Variants in CD6 observed in about 807,000 individuals in gnomAD.
CD6 encodes the protein CD6 molecule.
In CD6, 53 loss-of-function variants were observed where a neutral mutation model predicts 75.3. The ratio of observed to expected loss-of-function variants is 0.70; its 90% CI spans 0.56 to 0.88. The LOEUF (loss-of-function observed/expected upper bound fraction) is 0.88. Among genes scored for constraint, CD6 ranks in the 40% least tolerant of loss-of-function variants. The probability of loss-of-function intolerance (pLI) is 0.00; values close to 1 mark genes in which losing one functional copy is unlikely to be tolerated. For synonymous variants in CD6, 359 were observed against 381.5 expected (o/e 0.94, Z 0.69); for missense variants, 770 against 897.1 (o/e 0.86, Z 1.81).
chr11:60,994,345 G>T (rs1858198049), intron 1 of CD6, among the ~76,000 whole-genome samples: 1 of 150,132 alleles, frequency 6.7e-6, no homozygotes, highest in Non-Finnish European at 1.5e-5. Flanking sequence ...GGAGGCTGAG[G>T]CAGGAGAATT....
chr11:61,008,003 G>A, intron 3 of CD6, 93 bp downstream of exon 3: 1 of 850,224 alleles, frequency 1.2e-6, no homozygotes, highest in Non-Finnish European at 1.6e-6. Flanking sequence ...CGCAAGCCTC[G>A]CCCTCCAGAC....
Position 61,009,762 on chromosome 11 carries a change from C to T in CD6, c.972C>T (p.Gly324=), listed in dbSNP as rs1204186595. 6.2e-7 allele frequency: 1 copy of T among 1,613,656 alleles called. No homozygotes were observed. The highest frequency in any genetic ancestry group is 8.5e-7 in the Non-Finnish European group (1 of 1,179,912). The part of the protein sequence containing the change: ...RPKGLPHSLS[G]RMYYSCNGEE... ...AGGGGCTGCCCCACTCCTTGTCCGG[C>T]AGGATGTACTACTCATGCAATGGGG... Residue 324 remains glycine, a synonymous_variant, in exon 5 of 13, where the codon GGC becomes GGT. Coordinates refer to ENST00000313421, the MANE Select transcript of CD6 (RefSeq NM_006725.5).
In CD6 at chr11:61,018,286, C is replaced by T; in HGVS notation, c.1838-3C>T. ...GAGGGTGACTGGTTCTGGGGGTTTC[C>T]AGCAGGGCCCCCGGCTGATGACAGC... On this transcript the variant is annotated splice_polypyrimidine_tract_variant and splice_region_variant and intron_variant, in intron 11 of 12. Coordinates refer to ENST00000313421, the MANE Select transcript of CD6 (RefSeq NM_006725.5). 1 of 1,593,094 alleles carries T rather than the reference C, an allele frequency of 6.3e-7. No homozygotes were observed. Among genetic ancestry groups the T allele is most frequent in the African/African-American group, 1.3e-5 (1 of 74,538 alleles).
At chr11:60,990,334 C>T (rs894672125) in intron 1 of CD6, among the ~76,000 whole-genome samples, 70 of 152,302 alleles carry the variant, frequency 4.6e-4, no homozygotes, top group African/African-American at 1.6e-3. Flanking sequence ...AAGTGATTCT[C>T]CTGTCTCAGC....
chr11:60,973,722 T>A (rs1857271521), intron 1 of CD6, among the ~76,000 whole-genome samples: 1 of 152,164 alleles, frequency 6.6e-6, no homozygotes, highest in Non-Finnish European at 1.5e-5. Context: ...TATTTTCTTC[T>A]TGACTTTGCA....
chr11:60,987,641 T>C (rs1244234952), intron 1 of CD6, among the ~76,000 whole-genome samples: 1 of 152,098 alleles, frequency 6.6e-6, no homozygotes, highest in Admixed American at 6.6e-5. Flanking sequence ...TAATCTCTCC[T>C]CCTAGCCCAC....
At chr11:61,015,621 GC>G in intron 8 of CD6, 91 bp from the exon 9 acceptor site, 59 of 1,468,356 alleles carry the variant, frequency 4.0e-5, no homozygotes, top group Non-Finnish European at 5.4e-5. Context: ...CTGCTACTCT[GC>G]CTCTCACCTC....
chr11:61,019,185 C>A, intron 12 of CD6, 69 bp from the exon 13 acceptor site: 1 of 1,216,044 alleles, frequency 8.2e-7, no homozygotes, highest in East Asian at 2.5e-5. Flanking sequence ...CAGAACCACT[C>A]AGCTCCGTCC....
At chr11:61,012,625 T>C (rs1032231850) in intron 6 of CD6, among the ~76,000 whole-genome samples, 1 of 152,224 alleles carries the variant, frequency 6.6e-6, no homozygotes, top group East Asian at 1.9e-4. Context: ...ACTAGTCATC[T>C]AGCCCTGTGG....
intron 1 of CD6, 42 bp from the exon 2 acceptor site, chr11:61,006,532 C>T (rs1191727557): frequency 2.0e-6 from 3 of 1,526,432 alleles, no homozygotes. Context: ...GTCTCCAGGC[C>T]TGAGCTCACT....
Position 60,978,751 on chromosome 11 carries a change from G to A in CD6, c.49+6837G>A, listed in dbSNP as rs578057162. The stretch of plus-strand genomic sequence containing the variant: ...CCTGTCGTATAGAATCATGGACCCC[G>A]GAGTCAGGCAGACGCGGGTTCTGAA... On this transcript the variant is annotated intron_variant, in intron 1 of 12. Coordinates refer to ENST00000313421, the MANE Select transcript of CD6 (RefSeq NM_006725.5). Among the ~76,000 whole-genome samples the A allele has an allele frequency of 3.3e-4, 51 of 152,242 alleles. No homozygotes were observed. The South Asian group carries it at 9.7e-3, about 29-fold the overall frequency.
At chr11:60,976,728 C>T (rs149050025) in intron 1 of CD6, among the ~76,000 whole-genome samples, 2 of 152,230 alleles carry the variant, frequency 1.3e-5, no homozygotes, top group East Asian at 3.9e-4. Context: ...CTGATGGATG[C>T]GCTTGTGCCC....
chr11:61,009,541 C>A (rs1859042731), intron 4 of CD6, 31 bp from the exon 5 acceptor site: 2 of 1,550,274 alleles, frequency 1.3e-6, no homozygotes, highest in Non-Finnish European at 1.7e-6. Flanking sequence ...AGGATTCTGA[C>A]CTGACTCTGT....
chr11:61,020,309 A>G lies in CD6; in HGVS notation c.*991A>G, dbSNP rs1859612009. On this transcript the variant is annotated 3_prime_UTR_variant, in exon 13 of 13. Coordinates refer to ENST00000313421, the MANE Select transcript of CD6 (RefSeq NM_006725.5). ...CCGTGCAGCCCCCAGAGAGAGGCCC[A>G]TGGGCTCAGACCAGGCTTTGTTGTC... is the stretch of plus-strand genomic sequence containing the variant. The G allele has an allele frequency of 2.5e-6, 1 of 398,928 alleles. No homozygotes were observed. The highest frequency in any genetic ancestry group is 2.1e-5 in the African/African-American group (1 of 48,616). 24.7% of individuals were successfully genotyped at this position (398,928 alleles called of 1,614,324 possible).
intron 8 of CD6, among the ~76,000 whole-genome samples, chr11:61,015,035 G>A (rs1345325000): frequency 6.6e-6 from 1 of 152,206 alleles, no homozygotes; most frequent in Non-Finnish European, 1.5e-5. Context: ...CAGACTGCCG[G>A]CTCTGGGCCA....
chr11:61,017,443 G>A, intron 9 of CD6, 36 bp from the exon 10 acceptor site: 3 of 1,503,884 alleles, frequency 2.0e-6, no homozygotes, highest in Admixed American at 2.0e-5. Flanking sequence ...ATGAGGTTGA[G>A]CCTTCACCCC....
chr11:60,986,238 C>G (rs1320054000), intron 1 of CD6, among the ~76,000 whole-genome samples: 1 of 152,232 alleles, frequency 6.6e-6, no homozygotes, highest in Non-Finnish European at 1.5e-5. Context: ...TCAGCCAGCA[C>G]CTTCACACAA....
rs1168831711 is a variant in CD6 at position 61,007,589 on chromosome 11, G to C, written c.148G>C (p.Gly50Arg). 2.7e-6 allele frequency: 4 copies of C among 1,502,968 alleles called. No individual in the cohort carries two copies. Among genetic ancestry groups the C allele is most frequent in the Middle Eastern group, 2.3e-4 (1 of 4,362 alleles). 93.1% of individuals were successfully genotyped at this position (1,502,968 alleles called of 1,614,324 possible). ...GCGGCTTCCGGTCCGTCTGACAAAC[G>C]GGAGCAGCAGCTGCAGCGGGACGGT... ...GERLPVRLTN[G>R]SSSCSGTVEV... Residue 50 changes from glycine (G) to arginine (R), a missense_variant, in exon 3 of 13, where the codon GGG becomes CGG. Gly to Arg is a moderately radical substitution (Grantham distance 125). Coordinates refer to ENST00000313421, the MANE Select transcript of CD6 (RefSeq NM_006725.5). This position sits in a 1 kb window ranked among gnomAD's most constrained non-coding sequence, Gnocchi z 4.2.
chr11:61,012,117 T>C (rs1774515713), intron 6 of CD6, among the ~76,000 whole-genome samples: 1 of 152,254 alleles, frequency 6.6e-6, no homozygotes, highest in Non-Finnish European at 1.5e-5. Flanking sequence ...GAACAGGGGT[T>C]TGGGGAGAGG....
Sources: allele counts gnomAD v4.1 joint callset (sites outside exome capture counted in the v4.1 genomes callset), GRCh38; gene constraint gnomAD v4.1.1; non-coding constraint Gnocchi (gnomAD v3.1); transcripts MANE v1.5; gene names NCBI Gene and HGNC (gene_info 2026-07-23, HGNC 2026-07-21).